The following FAM107B variants were observed in gnomAD, a reference collection of about 807,000 sequenced individuals.
The protein encoded by FAM107B is family with sequence similarity 107 member B, also known as protein FAM107B.
In FAM107B, 21 loss-of-function variants were observed where a neutral mutation model predicts 31.5. The observed-to-expected ratio is 0.67, with a 90% CI of 0.47 to 0.96. FAM107B has a LOEUF of 0.96. Among genes scored for constraint, FAM107B ranks in the 40% least tolerant of loss-of-function variants. The pLI is 0.00. For synonymous variants in FAM107B, 157 were observed against 141.5 expected (o/e 1.11, Z -0.78); for missense variants, 452 against 377.1 (o/e 1.20, Z -1.64).
intron 1 of FAM107B, among the ~76,000 whole-genome samples, chr10:14,674,441 G>T (rs2131484247): frequency 6.6e-6 from 1 of 152,238 alleles, no homozygotes; most frequent in Non-Finnish European, 1.5e-5. Context: ...CCTTCAAATT[G>T]CTTATGCACC....
At chr10:14,551,806 C>T (rs767685457) in intron 2 of FAM107B, among the ~76,000 whole-genome samples, 5 of 152,090 alleles carry the variant, frequency 3.3e-5, no homozygotes, top group Non-Finnish European at 5.9e-5. Flanking sequence ...CACTGAAATG[C>T]CAGTCTCAAT....
intron 2 of FAM107B, among the ~76,000 whole-genome samples, chr10:14,589,647 TG>T (rs969675874): frequency 1.3e-5 from 2 of 151,922 alleles, no homozygotes; most frequent in Admixed American, 6.6e-5. Context: ...AGTACATTCT[TG>T]GGGGATGAGG....
intron 2 of FAM107B, among the ~76,000 whole-genome samples, chr10:14,636,827 T>C (rs1853511807): frequency 6.6e-6 from 1 of 152,200 alleles, no homozygotes; most frequent in Admixed American, 6.5e-5. Flanking sequence ...CTCAGCTCCT[T>C]GCAGAGTTTA....
At chr10:14,713,734 G>A (rs1209564084) in intron 1 of FAM107B, among the ~76,000 whole-genome samples, 3 of 152,188 alleles carry the variant, frequency 2.0e-5, no homozygotes, top group African/African-American at 7.2e-5. Context: ...GTACATGTAT[G>A]TTCATTGCAG....
At chr10:14,660,448 T>C (rs1301608420) in intron 2 of FAM107B, among the ~76,000 whole-genome samples, 2 of 152,140 alleles carry the variant, frequency 1.3e-5, no homozygotes, top group African/African-American at 4.8e-5. Flanking sequence ...TTCATCCATC[T>C]CCCTGCCCAC....
intron 1 of FAM107B, among the ~76,000 whole-genome samples, chr10:14,684,931 C>T (rs1194214325): frequency 6.6e-6 from 1 of 151,828 alleles, no homozygotes; most frequent in African/African-American, 2.4e-5. Context: ...AGTGATCCTC[C>T]CATCTCAACC....
At chr10:14,720,609 A>T (rs537649619) in intron 1 of FAM107B, among the ~76,000 whole-genome samples, 1 of 152,192 alleles carries the variant, frequency 6.6e-6, no homozygotes, top group Non-Finnish European at 1.5e-5. Context: ...ATCAGCTCCA[A>T]TTCATCAATT....
intron 1 of FAM107B, among the ~76,000 whole-genome samples, chr10:14,727,057 A>G (rs1856051054): frequency 6.6e-6 from 1 of 152,090 alleles, no homozygotes; most frequent in African/African-American, 2.4e-5. Context: ...AGCGACCTAG[A>G]TACCTCACAT....
intron 2 of FAM107B, among the ~76,000 whole-genome samples, chr10:14,539,634 C>A (rs1034201179): frequency 3.9e-5 from 6 of 152,054 alleles, no homozygotes; most frequent in Non-Finnish European, 7.4e-5. Flanking sequence ...CAAGAAGTCT[C>A]TAGATAGAAG....
At chr10:14,684,222 G>A (rs1048254712) in intron 1 of FAM107B, among the ~76,000 whole-genome samples, 5 of 152,222 alleles carry the variant, frequency 3.3e-5, no homozygotes, top group Non-Finnish European at 7.3e-5. Context: ...GGAGGCCGAG[G>A]CAGGTGGATC....
intron 1 of FAM107B, among the ~76,000 whole-genome samples, chr10:14,680,031 C>T (rs1403886724): frequency 6.6e-6 from 1 of 152,154 alleles, no homozygotes; most frequent in Non-Finnish European, 1.5e-5. Context: ...GTCAATACTC[C>T]TTAATAAACT....
At chr10:14,698,827 G>A (rs1855327868) in intron 1 of FAM107B, among the ~76,000 whole-genome samples, 1 of 152,192 alleles carries the variant, frequency 6.6e-6, no homozygotes, top group Non-Finnish European at 1.5e-5. Flanking sequence ...TTTGGAGTTG[G>A]TGCAAAAGCA....
intron 1 of FAM107B, among the ~76,000 whole-genome samples, chr10:14,690,446 T>G (rs1855104719): frequency 1.3e-5 from 2 of 152,042 alleles, no homozygotes; most frequent in South Asian, 4.2e-4. Context: ...ACTAGCCCCT[T>G]TATTTTTTTA....
chr10:14,759,570 A>G (rs1173950451), intron 1 of FAM107B, among the ~76,000 whole-genome samples: 1 of 152,130 alleles, frequency 6.6e-6, no homozygotes, highest in African/African-American at 2.4e-5. Context: ...GGGCGCTGTC[A>G]TTTTGTCTTT....
At position 14,761,034 on chromosome 10, in the gene FAM107B, A is replaced by AAAC. The variant is rs1554757192; in HGVS notation, c.411+13218_411+13219insGTT. Among the ~76,000 whole-genome samples the AAAC allele has an allele frequency of 3.1e-4, 45 of 146,706 alleles. 1 individual carries two copies. Among genetic ancestry groups the AAAC allele is most frequent in the Non-Finnish European group, 4.5e-4 (30 of 66,244 alleles). On this transcript the variant is annotated intron_variant, in intron 1 of 4. Coordinates refer to ENST00000181796, the MANE Select transcript of FAM107B (RefSeq NM_031453.4). ...TTCAAAAAAAAAAAAAAAAAAAAAA[A>AAAC]AAGAAAGACATATCGTTAAGCTAGA... is the stretch of plus-strand genomic sequence containing the variant.
chr10:14,559,696 C>T (rs535415506), intron 2 of FAM107B, among the ~76,000 whole-genome samples: 122 of 151,714 alleles, frequency 8.0e-4, no homozygotes, highest in African/African-American at 2.8e-3. Context: ...CAGCCTTCTC[C>T]GAGTAGCTGG....
chr10:14,729,522 A>G (rs1414908624), intron 1 of FAM107B, among the ~76,000 whole-genome samples: 1 of 152,068 alleles, frequency 6.6e-6, no homozygotes, highest in Non-Finnish European at 1.5e-5. Flanking sequence ...TGGAGCAGAT[A>G]AAGGGAGGGA....
chr10:14,587,020 A>T (rs1851866284), intron 2 of FAM107B, among the ~76,000 whole-genome samples: 1 of 152,242 alleles, frequency 6.6e-6, no homozygotes, highest in Admixed American at 6.5e-5. Flanking sequence ...GAGTGTAAAC[A>T]ATCACGTATG....
Position 14,558,611 on chromosome 10 carries a change from C to T in FAM107B, c.470-28096G>A, listed in dbSNP as rs563604844. Among the ~76,000 whole-genome samples the T allele has an allele frequency of 2.7e-3, 406 of 152,048 alleles. 4 individuals are homozygous for T. The highest frequency in any genetic ancestry group is 9.5e-3 in the African/African-American group (395 of 41,436). ...CTTGATTTTTTTTTTTAACTGTATT[C>T]CTTCTCCATTTCTGAACTCAGCGTC... On this transcript the variant is annotated intron_variant, in intron 2 of 4. Coordinates refer to ENST00000181796, the MANE Select transcript of FAM107B (RefSeq NM_031453.4).
Sources: gnomAD v4.1 joint callset for allele counts (sites outside exome capture counted in the v4.1 genomes callset) on GRCh38, gnomAD v4.1.1 for gene constraint, MANE v1.5 for transcripts, NCBI Gene and HGNC (gene_info 2026-07-23, HGNC 2026-07-21) for gene names.